ZNF892: variants seen among roughly 807,000 people sequenced by gnomAD.
ZNF892 encodes the protein zinc finger protein 570-like.
chr2:95,250,989 TTA>T, the ZNF892 span, among the ~76,000 whole-genome samples: 1 of 148,936 alleles, frequency 6.7e-6, no homozygotes, highest in African/African-American at 2.4e-5. Flanking sequence ...AAATAAATGC[TTA>T]TATAAATATT....
At chr2:95,249,243 T>A in the ZNF892 span, among the ~76,000 whole-genome samples, 2 of 122,962 alleles carry the variant, frequency 1.6e-5, no homozygotes, top group African/African-American at 6.2e-5. Flanking sequence ...TTTTTTTTTT[T>A]TTTTTTTTTT....
chr2:95,235,627 C>T, the ZNF892 span, among the ~76,000 whole-genome samples: 2 of 152,150 alleles, frequency 1.3e-5, no homozygotes, highest in Non-Finnish European at 2.9e-5. Flanking sequence ...TCCCAAAATG[C>T]CAGGATTACA....
the ZNF892 span, among the ~76,000 whole-genome samples, chr2:95,243,431 A>G: frequency 6.9e-6 from 1 of 144,974 alleles, no homozygotes; most frequent in Non-Finnish European, 1.5e-5. Flanking sequence ...CCGCCATCCC[A>G]TCTAGGAAGT....
the ZNF892 span, among the ~76,000 whole-genome samples, chr2:95,245,628 A>G: frequency 6.6e-6 from 1 of 151,556 alleles, no homozygotes; most frequent in Non-Finnish European, 1.5e-5. Flanking sequence ...TAGCTAGACT[A>G]TAAAGAAGAA....
At chr2:95,212,713 C>T in the ZNF892 span, among the ~76,000 whole-genome samples, 1 of 152,192 alleles carries the variant, frequency 6.6e-6, no homozygotes, top group South Asian at 2.1e-4. Context: ...ATGGTTAAGA[C>T]TGCAGACTTT....
the ZNF892 span, among the ~76,000 whole-genome samples, chr2:95,208,432 A>G: frequency 6.6e-6 from 1 of 152,236 alleles, no homozygotes; most frequent in Non-Finnish European, 1.5e-5. Context: ...TTATATGTCC[A>G]GATGCTCATA....
the ZNF892 span, among the ~76,000 whole-genome samples, chr2:95,233,198 CCTTTT>C: frequency 1.2e-4 from 18 of 151,592 alleles, 1 homozygote; most frequent in South Asian, 3.3e-3. Flanking sequence ...TTTATTTTTT[CCTTTT>C]CTTTTTTTTT....
the ZNF892 span, chr2:95,231,986 TTTTCCAAAAATTA>T: frequency 2.6e-5 from 4 of 152,186 alleles, no homozygotes; most frequent in African/African-American, 9.7e-5. Flanking sequence ...TTTTTTATCT[TTTTCCAAAAATTA>T]TATCTGGGGC....
chr2:95,243,736 G>A, the ZNF892 span, among the ~76,000 whole-genome samples: 13 of 146,500 alleles, frequency 8.9e-5, no homozygotes, highest in South Asian at 4.4e-4. Context: ...TCAGCACCCC[G>A]CCCGGCCAGC....
At chr2:95,236,097 C>T in the ZNF892 span, among the ~76,000 whole-genome samples, 1 of 152,188 alleles carries the variant, frequency 6.6e-6, no homozygotes, top group Non-Finnish European at 1.5e-5. Context: ...TTTACTGATT[C>T]CACGAAGTCA....
chr2:95,208,156 A>T, the ZNF892 span, among the ~76,000 whole-genome samples: 7 of 152,210 alleles, frequency 4.6e-5, no homozygotes, highest in Admixed American at 1.3e-4. Context: ...AGGTAGGGAA[A>T]GCAGGGATTT....
the ZNF892 span, among the ~76,000 whole-genome samples, chr2:95,221,133 T>C: frequency 1.3e-5 from 2 of 152,214 alleles, no homozygotes; most frequent in African/African-American, 4.8e-5. Flanking sequence ...TTGAGAATGA[T>C]TGCAAGAGTT....
the ZNF892 span, among the ~76,000 whole-genome samples, chr2:95,217,391 T>C: frequency 6.6e-6 from 1 of 152,162 alleles, no homozygotes; most frequent in African/African-American, 2.4e-5. Context: ...CTGTGCAGAA[T>C]ACGTTTATTC....
At chr2:95,255,245 T>C in the ZNF892 span, among the ~76,000 whole-genome samples, 12 of 152,232 alleles carry the variant, frequency 7.9e-5, no homozygotes, top group African/African-American at 2.9e-4. Flanking sequence ...TACACACTGC[T>C]TTGAATGTGT....
the ZNF892 span, among the ~76,000 whole-genome samples, chr2:95,217,622 G>C: frequency 1.3e-5 from 2 of 152,216 alleles, no homozygotes; most frequent in African/African-American, 4.8e-5. Context: ...CATTCCACAG[G>C]GGGAGAAATA....
the ZNF892 span, among the ~76,000 whole-genome samples, chr2:95,245,398 C>G: frequency 1.3e-5 from 2 of 149,662 alleles, no homozygotes; most frequent in African/African-American, 4.9e-5. Flanking sequence ...AGGCGCCCAC[C>G]ACCACACCCG....
At chr2:95,217,622 G>A in the ZNF892 span, among the ~76,000 whole-genome samples, 1 of 152,216 alleles carries the variant, frequency 6.6e-6, no homozygotes, top group East Asian at 1.9e-4. Flanking sequence ...CATTCCACAG[G>A]GGGAGAAATA....
At chr2:95,252,523 G>A in the ZNF892 span, among the ~76,000 whole-genome samples, 3 of 152,080 alleles carry the variant, frequency 2.0e-5, no homozygotes, top group African/African-American at 7.2e-5. Context: ...CTTTGCTATT[G>A]TGAATAGTGC....
the ZNF892 span, among the ~76,000 whole-genome samples, chr2:95,254,452 G>A: frequency 6.6e-6 from 1 of 152,200 alleles, no homozygotes; most frequent in Non-Finnish European, 1.5e-5. Context: ...TGGTGGATAA[G>A]CTTTTTGATA....
Sources: allele counts gnomAD v4.1 joint callset (sites outside exome capture counted in the v4.1 genomes callset), GRCh38; gene constraint gnomAD v4.1.1; transcripts MANE v1.5; gene names NCBI Gene and HGNC (gene_info 2026-07-23, HGNC 2026-07-21).